DOCK1: variants seen among roughly 807,000 people sequenced by gnomAD.
The protein encoded by DOCK1 is dedicator of cytokinesis protein 1.
In DOCK1, 138 loss-of-function variants were observed where a neutral mutation model predicts 262.7. The observed-to-expected ratio is 0.53, with a 90% confidence interval of 0.46 to 0.61. The LOEUF is 0.61. DOCK1 is among the 20% of genes least tolerant of loss of function. DOCK1 has a pLI of 0.00. For synonymous variants in DOCK1, 866 were observed against 867.4 expected (o/e 1.00, Z 0.03); for missense variants, 1,908 against 2,370.7 (o/e 0.80, Z 4.05).
At chr10:126,945,859 G>T (rs1368617440) in intron 1 of DOCK1, among the ~76,000 whole-genome samples, 1 of 152,192 alleles carries the variant, frequency 6.6e-6, no homozygotes, top group Non-Finnish European at 1.5e-5. Context: ...CAAGAGCAGG[G>T]GGTTTTGGGC....
intron 28 of DOCK1, among the ~76,000 whole-genome samples, chr10:127,249,377 A>T (rs1243095073): frequency 8.1e-6 from 1 of 123,720 alleles, no homozygotes; most frequent in Non-Finnish European, 1.7e-5. Flanking sequence ...ATATATACAC[A>T]TATGTACATA....
intron 2 of DOCK1, among the ~76,000 whole-genome samples, chr10:126,977,539 T>C (rs891136503): frequency 6.6e-6 from 1 of 152,116 alleles, no homozygotes; most frequent in Non-Finnish European, 1.5e-5. Context: ...GGCAGCGAGA[T>C]GCTGACATGT....
chr10:127,075,140 G>A (rs953024483), intron 23 of DOCK1, among the ~76,000 whole-genome samples: 2 of 120,850 alleles, frequency 1.7e-5, no homozygotes, highest in African/African-American at 3.3e-5. Context: ...TTGCACTCCA[G>A]CCTGGGCAAC....
At chr10:127,157,101 C>T (rs576922001) in intron 27 of DOCK1, among the ~76,000 whole-genome samples, 4 of 152,240 alleles carry the variant, frequency 2.6e-5, no homozygotes, top group Admixed American at 6.5e-5. Flanking sequence ...CATAAATGAG[C>T]GAACGGTTAA....
chr10:126,977,753 C>T (rs752211651), intron 2 of DOCK1, among the ~76,000 whole-genome samples, 195 bp from the exon 3 acceptor site: 2 of 152,110 alleles, frequency 1.3e-5, no homozygotes, highest in Middle Eastern at 3.2e-3. Context: ...GCCAGCTGGG[C>T]TCCGGGTGCG....
rs746910760 is a variant in DOCK1, at chr10:126,970,790, G to A, written c.130+5G>A. 5.0e-6 allele frequency: 8 copies of A among 1,610,768 alleles called. No homozygotes were observed. The highest frequency in any genetic ancestry group is 2.2e-5 in the East Asian group (1 of 44,830). On this transcript the variant is annotated splice_donor_5th_base_variant and intron_variant, in intron 2 of 51. Coordinates refer to ENST00000623213, the MANE Select transcript of DOCK1 (RefSeq NM_001290223.2). Reference sequence around the variant, plus strand: ...ACATCTTAGAAACATATGAAGGTGCGTATGCATCTTGGTATCTTTTCTCTT... The same window carrying A: ...ACATCTTAGAAACATATGAAGGTGCATATGCATCTTGGTATCTTTTCTCTT...
At chr10:127,232,286 A>G (rs947965649) in intron 27 of DOCK1, among the ~76,000 whole-genome samples, 2 of 152,178 alleles carry the variant, frequency 1.3e-5, no homozygotes, top group Admixed American at 1.3e-4. Context: ...ATTTCCTAAT[A>G]TCAAAATGTA....
chr10:126,926,421 G>C (rs61875484), intron 1 of DOCK1, among the ~76,000 whole-genome samples: 10,397 of 152,110 alleles, frequency 0.068, 448 homozygotes, highest in Middle Eastern at 0.12. Context: ...ACATTTTCCC[G>C]TAAGTATTTT....
chr10:127,419,238 A>G (rs142370061), intron 45 of DOCK1, among the ~76,000 whole-genome samples: 443 of 152,356 alleles, frequency 2.9e-3, no homozygotes, highest in African/African-American at 9.3e-3. Flanking sequence ...CAAAAAGGAT[A>G]CTGCCTGAGA....
At position 127,381,489 on chromosome 10, in the gene DOCK1, CTAAA is replaced by C; in HGVS notation, c.3807+127_3807+130del. 3 of 776,706 alleles carry C rather than the reference CTAAA, an allele frequency of 3.9e-6. No individual in the cohort carries two copies. The South Asian group carries it at 8.4e-5, about 22-fold the overall frequency. 48.1% of individuals were successfully genotyped at this position (776,706 alleles called of 1,614,324 possible). On this transcript the variant is annotated intron_variant, in intron 37 of 51. Transcript: ENST00000623213. ...ATAACTTAAGGTTTTATGAAATTGA[CTAAA>C]TAAATGCAAGGATATGAACAAAAAT...
At chr10:126,979,062 C>T (rs1285151767) in intron 3 of DOCK1, among the ~76,000 whole-genome samples, 1 of 152,150 alleles carries the variant, frequency 6.6e-6, no homozygotes, top group African/African-American at 2.4e-5. Context: ...GGGACCAGGA[C>T]CTCTTACCTC....
rs566574481 is a variant in DOCK1, at chr10:127,077,824, GCCT to G, written c.2445+16053_2445+16055del. On this transcript the variant is annotated intron_variant, in intron 23 of 51. Coordinates refer to ENST00000623213, the MANE Select transcript of DOCK1 (RefSeq NM_001290223.2). Reference sequence around the variant, plus strand: ...AAGTGCACTGAAACCACCAGTTAAGGCCTCCTCAGAGCAGGTTGGACTGCCCTG... The same window carrying G: ...AAGTGCACTGAAACCACCAGTTAAGGCCTCAGAGCAGGTTGGACTGCCCTG... Among the ~76,000 whole-genome samples the G allele has an allele frequency of 3.0e-3, 451 of 152,246 alleles. 2 individuals carry two copies. Among genetic ancestry groups the G allele is most frequent in the Middle Eastern group, 0.02 (6 of 294 alleles).
At chr10:127,316,162 G>A (rs556079322) in intron 29 of DOCK1, among the ~76,000 whole-genome samples, 1 of 151,990 alleles carries the variant, frequency 6.6e-6, no homozygotes, top group South Asian at 2.1e-4. Context: ...TTTATTTTTT[G>A]TGGTCAGAGC....
intron 11 of DOCK1, among the ~76,000 whole-genome samples, chr10:127,011,832 T>C (rs1054331349): frequency 3.9e-5 from 6 of 152,164 alleles, no homozygotes; most frequent in Non-Finnish European, 1.5e-5. Context: ...TAGATCAACC[T>C]GCCCCTTGAC....
intron 29 of DOCK1, among the ~76,000 whole-genome samples, chr10:127,323,496 G>A (rs955565827): frequency 9.9e-5 from 15 of 152,164 alleles, no homozygotes; most frequent in Non-Finnish European, 5.9e-5. Context: ...GCCAAAGGTC[G>A]TTATCCACAA....
At position 127,076,370 on chromosome 10, in the gene DOCK1, T is replaced by A. The variant is rs193054994; in HGVS notation, c.2445+14594T>A. On this transcript the variant is annotated intron_variant, in intron 23 of 51. Transcript: ENST00000623213. Reference sequence around the variant, plus strand: ...CAAAAAATTAGCTAGGCGTGGTGGCTGGCGCCTGTAGTCCCTGCTAATCAG... The same window carrying A: ...CAAAAAATTAGCTAGGCGTGGTGGCAGGCGCCTGTAGTCCCTGCTAATCAG... 4.6e-5 allele frequency among the ~76,000 whole-genome samples: 7 copies of A among 152,198 alleles called. No individual in the cohort carries two copies. In the East Asian group the frequency reaches 5.8e-4, roughly 13 times the overall value.
intron 28 of DOCK1, among the ~76,000 whole-genome samples, chr10:127,251,831 A>T (rs11016953): frequency 1.5e-5 from 2 of 136,334 alleles, no homozygotes; most frequent in Non-Finnish European, 3.2e-5. Flanking sequence ...GAATAGTGCC[A>T]CAATAAACAT....
rs181291516 is a variant in DOCK1, at chr10:127,287,813, A to T, written c.3044+30384A>T. ...GTGGCATCAGGTGCTGCCAGCATTT[A>T]TCCAGATTCCTTCAATATACAGTAG... On this transcript the variant is annotated intron_variant, in intron 29 of 51. Coordinates refer to ENST00000623213, the MANE Select transcript of DOCK1 (RefSeq NM_001290223.2). Among the ~76,000 whole-genome samples the T allele has an allele frequency of 1.2e-3, 185 of 152,270 alleles. 2 individuals carry two copies. The highest frequency in any genetic ancestry group is 4.0e-3 in the African/African-American group (168 of 41,558).
rs575614981 is a variant in DOCK1, at chr10:127,076,237, C to T, written c.2445+14461C>T. On this transcript the variant is annotated intron_variant, in intron 23 of 51. Transcript: ENST00000623213. ...AAAATATCGGCCAGGCACGGTGGCTCGTGCCTGTAATCCCGGCACTTTGGG... is the reference window on the plus strand; with the variant it reads ...AAAATATCGGCCAGGCACGGTGGCTTGTGCCTGTAATCCCGGCACTTTGGG... 1.3e-3 allele frequency among the ~76,000 whole-genome samples: 197 copies of T among 152,284 alleles called. 2 individuals are homozygous for T. Among genetic ancestry groups the T allele is most frequent in the African/African-American group, 4.5e-3 (186 of 41,568 alleles).
Sources: gnomAD v4.1 joint callset for allele counts (sites outside exome capture counted in the v4.1 genomes callset) on GRCh38, gnomAD v4.1.1 for gene constraint, MANE v1.5 for transcripts, NCBI Gene and HGNC (gene_info 2026-07-23, HGNC 2026-07-21) for gene names.